Variants in CD109 observed in about 807,000 individuals in gnomAD.
CD109 encodes CD109 molecule.
CD109 carries 149 observed loss-of-function variants against 165.8 expected under a neutral mutation model. The observed-to-expected ratio is 0.90, with a 90% CI of 0.79 to 1.03. CD109 has a LOEUF of 1.03. Ranked by LOEUF, CD109 falls within the 50% of genes least tolerant of loss-of-function variation. The pLI is 0.00. For synonymous variants in CD109, 585 were observed against 592.1 expected (o/e 0.99, Z 0.18); for missense variants, 1,712 against 1,677.8 (o/e 1.02, Z -0.36).
rs754074548 is a variant in CD109, at chr6:73,775,493, C to A, written c.1827+3912C>A. Among the ~76,000 whole-genome samples, 3 of 152,220 alleles carry A rather than the reference C, an allele frequency of 2.0e-5. No homozygotes were observed. In the East Asian group the frequency reaches 5.8e-4, roughly 29 times the overall value. On this transcript the variant is annotated intron_variant, in intron 15 of 32. Transcript: ENST00000287097. ...TTTCTTCTTCCTTTCCCCCTCGCCCCTGTAACCATCATTTGTTTATCTATT... is the reference window on the plus strand; with the variant it reads ...TTTCTTCTTCCTTTCCCCCTCGCCCATGTAACCATCATTTGTTTATCTATT...
chr6:73,808,305 G>A, intron 26 of CD109, 57 bp downstream of exon 26: 2 of 1,539,100 alleles, frequency 1.3e-6, no homozygotes, highest in South Asian at 2.5e-5. Context: ...TAACTTACAT[G>A]AGAAAAATTT....
At position 73,725,504 on chromosome 6, in the gene CD109, C is replaced by CTTTTTTTTTTTTTTTTTT. The variant is rs386407559; in HGVS notation, c.276+2229_276+2246dup. On this transcript the variant is annotated intron_variant, in intron 3 of 32. Coordinates refer to ENST00000287097, the MANE Select transcript of CD109 (RefSeq NM_133493.5). The stretch of plus-strand genomic sequence containing the variant: ...AACTAGAAATTTGTCTACTACACTT[C>CTTTTTTTTTTTTTTTTTT]TTTTTTTTTTTTTTTTTTTTTGAGA... Among the ~76,000 whole-genome samples the CTTTTTTTTTTTTTTTTTT allele has an allele frequency of 4.5e-5, 4 of 89,440 alleles. 1 individual carries two copies. Among genetic ancestry groups the CTTTTTTTTTTTTTTTTTT allele is most frequent in the Non-Finnish European group, 6.3e-5 (3 of 47,910 alleles). 58.7% of individuals were successfully genotyped at this position (89,440 alleles called of 152,430 possible).
chr6:73,763,207 A>G (rs1003681114), intron 9 of CD109, among the ~76,000 whole-genome samples: 1 of 152,164 alleles, frequency 6.6e-6, no homozygotes, highest in African/African-American at 2.4e-5. Context: ...CTGAAATCTC[A>G]GCTGTTCCTA....
At chr6:73,745,348 G>A (rs574330746) in intron 5 of CD109, among the ~76,000 whole-genome samples, 2 of 152,062 alleles carry the variant, frequency 1.3e-5, no homozygotes, top group Admixed American at 6.6e-5. Context: ...CAGGTGATCC[G>A]CCCGCCCTGG....
chr6:73,783,472 A>C (rs929175282), intron 18 of CD109, among the ~76,000 whole-genome samples: 3 of 152,222 alleles, frequency 2.0e-5, no homozygotes, highest in Admixed American at 2.0e-4. Flanking sequence ...TTTTGCAGGA[A>C]GATTTTATTA....
At position 73,825,227 on chromosome 6, in the gene CD109, A is replaced by G. The variant is rs925498561; in HGVS notation, c.*1594A>G. The stretch of plus-strand genomic sequence containing the variant: ...ACCTGTACATAGAAAATAGATCCCC[A>G]GACAGTGGTCTATGAAGAGGGCAGT... On this transcript the variant is annotated 3_prime_UTR_variant, in exon 33 of 33. Coordinates refer to ENST00000287097, the MANE Select transcript of CD109 (RefSeq NM_133493.5). 6.6e-6 allele frequency: 1 copy of G among 152,226 alleles called. No individual in the cohort carries two copies. The highest frequency in any genetic ancestry group is 2.4e-5 in the African/African-American group (1 of 41,464). 9.4% of individuals were successfully genotyped at this position (152,226 alleles called of 1,614,324 possible).
At chr6:73,812,157 C>G in intron 28 of CD109, 48 bp from the exon 29 acceptor site, 1 of 1,254,924 alleles carries the variant, frequency 8.0e-7, no homozygotes, top group Non-Finnish European at 1.2e-6. Context: ...TTGGAAGGAT[C>G]TAGATATGGA....
rs1419359017 is a variant in CD109, at chr6:73,705,137, C to CT, written c.247+7568dup. Reference sequence around the variant, plus strand: ...TTTTCTAAAAAGATGTTTCATTCTGCTTTGGATATGAGTTTGGGGAGACAT... The same window carrying CT: ...TTTTCTAAAAAGATGTTTCATTCTGCTTTTGGATATGAGTTTGGGGAGACAT... On this transcript the variant is annotated intron_variant, in intron 2 of 32. Transcript: ENST00000287097. 8.5e-5 allele frequency among the ~76,000 whole-genome samples: 13 copies of CT among 152,212 alleles called. 1 individual carries two copies. The highest frequency in any genetic ancestry group is 7.8e-4 in the Admixed American group (12 of 15,290).
At chr6:73,750,273 G>A (rs1773138882) in intron 5 of CD109, among the ~76,000 whole-genome samples, 1 of 152,194 alleles carries the variant, frequency 6.6e-6, no homozygotes, top group African/African-American at 2.4e-5. Context: ...CAGTTTGGGT[G>A]AGTGGTATGA....
the CD109 span, among the ~76,000 whole-genome samples, chr6:73,687,908 G>T: frequency 6.6e-6 from 1 of 152,184 alleles, no homozygotes; most frequent in Non-Finnish European, 1.5e-5. Context: ...GCAAACTTGG[G>T]ATCTGAAGCA....
In CD109 at chr6:73,782,679, G is replaced by C; in HGVS notation, c.2029G>C (p.Asp677His). Residue 677 changes from aspartate (D) to histidine (H), a missense_variant, in exon 18 of 33, where the codon GAC becomes CAC. Transcript: ENST00000287097. ...TGAAGGACATATTGTAGATATTCAT[G>C]ACTTTTCTTTGGGTAGCAGTCCACA... ...ENEGHIVDIH[D>H]FSLGSSPHVR... 1.2e-6 allele frequency: 2 copies of C among 1,613,928 alleles called. No homozygotes were observed. Among genetic ancestry groups the C allele is most frequent in the Non-Finnish European group, 1.7e-6 (2 of 1,179,830 alleles).
At chr6:73,717,049 A>G (rs1436478115) in intron 2 of CD109, among the ~76,000 whole-genome samples, 1 of 152,154 alleles carries the variant, frequency 6.6e-6, no homozygotes, top group Non-Finnish European at 1.5e-5. Context: ...TTTCCTCAAT[A>G]TATGTTCTTG....
At chr6:73,724,790 A>T (rs1413324466) in intron 3 of CD109, among the ~76,000 whole-genome samples, 1 of 151,594 alleles carries the variant, frequency 6.6e-6, no homozygotes, top group Admixed American at 6.6e-5. Context: ...TTTTGTAGAA[A>T]CAGGTTTCCC....
intron 29 of CD109, among the ~76,000 whole-genome samples, chr6:73,813,411 A>G (rs1775819207): frequency 6.6e-6 from 1 of 152,160 alleles, no homozygotes; most frequent in Admixed American, 6.6e-5. Context: ...AGTGAAACCA[A>G]GTGATTTTTT....
chr6:73,780,458 A>C lies in CD109; in HGVS notation c.1862A>C (p.Tyr621Ser), dbSNP rs1774442643. 4.4e-6 allele frequency: 7 copies of C among 1,608,682 alleles called. No homozygotes were observed. In the East Asian group the frequency reaches 1.6e-4, roughly 36 times the overall value. Residue 621 changes from tyrosine (Y) to serine (S), a missense_variant, in exon 16 of 33, where the codon TAT becomes TCT. Coordinates refer to ENST00000287097, the MANE Select transcript of CD109 (RefSeq NM_133493.5). ...GAGTTGGAACTTTATAACACAGGAT[A>C]TTATTTAGGCATGTTCATGAATTCT... ...VHELELYNTG[Y>S]YLGMFMNSFA...
chr6:73,818,295 A>G (rs949602279), intron 30 of CD109, 93 bp from the exon 31 acceptor site: 15 of 1,324,632 alleles, frequency 1.1e-5, no homozygotes, highest in Non-Finnish European at 1.6e-5. Flanking sequence ...TTGGAATAAC[A>G]TTTGGTGGGT....
chr6:73,691,363 A>G (rs1463471481), upstream of CD109, among the ~76,000 whole-genome samples: 1 of 152,104 alleles, frequency 6.6e-6, no homozygotes, highest in African/African-American at 2.4e-5. Context: ...ATACACCTGT[A>G]TTTTTTACTT....
chr6:73,768,156 G>A lies in CD109; in HGVS notation c.1599G>A (p.Val533=). ...NSWTPKACVI[V]YYIEDDGEII... is the part of the protein sequence containing the mutation. ...GGACTCCAAAAGCCTGTGTAATTGT[G>A]TATTATATTGAAGATGATGGGGAAA... The change falls in exon 14 of 33, where the codon GTG becomes GTA. Residue 533 remains valine (V), a synonymous_variant. Coordinates refer to ENST00000287097, the MANE Select transcript of CD109 (RefSeq NM_133493.5). The A allele has an allele frequency of 6.2e-7, 1 of 1,602,890 alleles. No homozygotes were observed. Among genetic ancestry groups the A allele is most frequent in the Non-Finnish European group, 8.5e-7 (1 of 1,170,108 alleles).
At chr6:73,737,317 A>C (rs1772583120) in intron 5 of CD109, among the ~76,000 whole-genome samples, 1 of 152,092 alleles carries the variant, frequency 6.6e-6, no homozygotes. Flanking sequence ...AGTAGGTGGG[A>C]CTCGTGTGTG....
Sources: gnomAD v4.1 joint callset for allele counts (sites outside exome capture counted in the v4.1 genomes callset) on GRCh38, gnomAD v4.1.1 for gene constraint, MANE v1.5 for transcripts, NCBI Gene and HGNC (gene_info 2026-07-23, HGNC 2026-07-21) for gene names.